ANKRD31: variants seen among roughly 807,000 people sequenced by gnomAD.
ANKRD31 encodes the protein ankyrin repeat domain 31, also known as ankyrin repeat domain-containing protein 31.
Under a neutral mutation model 186.0 loss-of-function variants are expected in ANKRD31, and 147 were observed. The observed-to-expected ratio is 0.79, with a 90% CI of 0.69 to 0.91. The LOEUF (loss-of-function observed/expected upper bound fraction) is 0.91, where lower values mean the gene tolerates loss of function less well. Ranked by LOEUF, ANKRD31 falls within the 40% of genes least tolerant of loss-of-function variation. ANKRD31 has a pLI of 0.00. For synonymous variants in ANKRD31, 673 were observed against 736.4 expected, an observed-to-expected ratio of 0.91 and a Z score of 1.39; for missense variants, 1,986 against 2,148.8, an observed-to-expected ratio of 0.92 and a Z score of 1.50.
chr5:75,132,447 C>T (rs557218449), intron 17 of ANKRD31, among the ~76,000 whole-genome samples: 10 of 151,870 alleles, frequency 6.6e-5, no homozygotes, highest in Admixed American at 2.0e-4. Context: ...TGAACTGAAG[C>T]GAGAAGAGAA....
chr5:75,142,862 A>G (rs547036113), intron 15 of ANKRD31, among the ~76,000 whole-genome samples: 1 of 152,254 alleles, frequency 6.6e-6, no homozygotes, highest in African/African-American at 2.4e-5. Flanking sequence ...GTCTGGTGGA[A>G]TAATAGACAT....
chr5:75,155,846 C>A (rs924456074), intron 11 of ANKRD31, among the ~76,000 whole-genome samples: 17 of 152,030 alleles, frequency 1.1e-4, no homozygotes, highest in Non-Finnish European at 2.2e-4. Context: ...CATTCACAGA[C>A]ACAGCAGGTA....
intron 9 of ANKRD31, among the ~76,000 whole-genome samples, chr5:75,189,894 C>T (rs1754986204): frequency 1.3e-5 from 2 of 152,116 alleles, no homozygotes; most frequent in African/African-American, 2.4e-5. Context: ...CAATGAATTA[C>T]AGCGATTGGT....
At chr5:75,129,417 A>G (rs1749552843) in intron 17 of ANKRD31, among the ~76,000 whole-genome samples, 1 of 152,226 alleles carries the variant, frequency 6.6e-6, no homozygotes, top group Admixed American at 6.5e-5. Flanking sequence ...CCACTCTGGT[A>G]TATTCTTAAT....
In ANKRD31 at chr5:75,104,851, A is replaced by G; in HGVS notation, c.4708T>C (p.Ser1570Pro). 6.5e-7 allele frequency: 1 copy of G among 1,537,204 alleles called. No individual in the cohort carries two copies. Among genetic ancestry groups the G allele is most frequent in the Non-Finnish European group, 8.7e-7 (1 of 1,146,896 alleles). Residue 1570 changes from serine (S) to proline (P), a missense_variant, in exon 22 of 26, where the codon TCT becomes CCT. Coordinates refer to ENST00000506364, the MANE Select transcript of ANKRD31 (RefSeq NM_001372053.1). ...NSEAVRRGEFSGNDMNSKQNG... is the reference protein window; with the variant it reads ...NSEAVRRGEFPGNDMNSKQNG... Reference sequence around the variant, plus strand: ...TGTTTAGAATTCATATCATTTCCAGAAAATTCTCCCCTTCTCACTGCCTCT... The same window carrying G: ...TGTTTAGAATTCATATCATTTCCAGGAAATTCTCCCCTTCTCACTGCCTCT...
intron 20 of ANKRD31, among the ~76,000 whole-genome samples, chr5:75,110,301 T>C (rs536428501): frequency 1.3e-5 from 2 of 152,084 alleles, no homozygotes; most frequent in Non-Finnish European, 2.9e-5. Context: ...GCTGAAAAAG[T>C]ATTTGCAGCA....
At chr5:75,183,306 C>G (rs1157360979) in intron 10 of ANKRD31, among the ~76,000 whole-genome samples, 3 of 152,058 alleles carry the variant, frequency 2.0e-5, no homozygotes, top group African/African-American at 7.2e-5. Flanking sequence ...CCATAGCTAC[C>G]TTCATATGAA....
chr5:75,182,536 T>C (rs1017177034), intron 10 of ANKRD31, among the ~76,000 whole-genome samples: 2 of 152,012 alleles, frequency 1.3e-5, no homozygotes, highest in Non-Finnish European at 2.9e-5. Flanking sequence ...CTGGCCAACA[T>C]GGTAAAACCC....
chr5:75,145,193 A>T (rs944601261), intron 14 of ANKRD31, among the ~76,000 whole-genome samples: 2 of 152,174 alleles, frequency 1.3e-5, no homozygotes, highest in African/African-American at 4.8e-5. Context: ...TTCCTCAAGG[A>T]TCTAGAACCA....
At chr5:75,198,912 A>C (rs1755639202) in intron 6 of ANKRD31, among the ~76,000 whole-genome samples, 1 of 152,090 alleles carries the variant, frequency 6.6e-6, no homozygotes, top group African/African-American at 2.4e-5. Flanking sequence ...TCCAAATTTT[A>C]TGTTATTTCC....
chr5:75,193,247 A>G (rs1755236596), intron 8 of ANKRD31, 64 bp downstream of exon 8: 3 of 1,464,896 alleles, frequency 2.0e-6, no homozygotes, highest in Non-Finnish European at 2.7e-6. Flanking sequence ...GATGTCCCCA[A>G]GCATATAATT....
chr5:75,076,733 C>T (rs567055680), intron 25 of ANKRD31, among the ~76,000 whole-genome samples: 7 of 152,280 alleles, frequency 4.6e-5, no homozygotes, highest in East Asian at 1.9e-4. Flanking sequence ...CATCCTGATG[C>T]TATCTAGGGG....
At chr5:75,172,213 G>T (rs990388826) in intron 10 of ANKRD31, among the ~76,000 whole-genome samples, 1 of 151,784 alleles carries the variant, frequency 6.6e-6, no homozygotes, top group Non-Finnish European at 1.5e-5. Flanking sequence ...ATCATGACCA[G>T]ATACAGTTTA....
chr5:75,105,249 CAAT>C, intron 21 of ANKRD31, 31 bp from the exon 22 acceptor site: 1 of 1,442,942 alleles, frequency 6.9e-7, no homozygotes, highest in Non-Finnish European at 9.0e-7. Context: ...AGAAAAAATG[CAAT>C]AACAGCAGAA....
intron 10 of ANKRD31, among the ~76,000 whole-genome samples, chr5:75,187,631 T>G (rs1754826333): frequency 6.6e-6 from 1 of 151,956 alleles, no homozygotes; most frequent in Non-Finnish European, 1.5e-5. Context: ...GGCTGGCAAA[T>G]AAGAATACAA....
intron 10 of ANKRD31, among the ~76,000 whole-genome samples, chr5:75,176,192 G>A (rs1431934946): frequency 6.6e-6 from 1 of 152,156 alleles, no homozygotes; most frequent in East Asian, 1.9e-4. Flanking sequence ...GGGGAGGGGC[G>A]CCTGCCATTG....
In ANKRD31 at chr5:75,108,201, AAAAAATAGAATTTTTTAATTCT is replaced by A. The variant is rs1471493753; in HGVS notation, c.4244-606_4244-585del. ...ATATAATTATACATTATATGCACTTAAAAAATAGAATTTTTTAATTCTAAAAATAGAATCATGCTATCAGTTC... is the reference window on the plus strand; with the variant it reads ...ATATAATTATACATTATATGCACTTAAAAAATAGAATCATGCTATCAGTTC... On this transcript the variant is annotated intron_variant, in intron 20 of 25. Coordinates refer to ENST00000506364, the MANE Select transcript of ANKRD31 (RefSeq NM_001372053.1). Among the ~76,000 whole-genome samples, 19 of 151,726 alleles carry A rather than the reference AAAAAATAGAATTTTTTAATTCT, an allele frequency of 1.3e-4. No individual in the cohort carries two copies. In the South Asian group the frequency reaches 1.7e-3, roughly 13 times the overall value.
intron 25 of ANKRD31, among the ~76,000 whole-genome samples, chr5:75,080,084 C>T (rs951891704): frequency 9.9e-5 from 15 of 150,998 alleles, no homozygotes; most frequent in South Asian, 4.2e-4. Context: ...TGTGACAGAG[C>T]GAGATTCTGT....
chr5:75,166,241 G>C (rs535886473), intron 11 of ANKRD31, among the ~76,000 whole-genome samples: 1 of 152,114 alleles, frequency 6.6e-6, no homozygotes, highest in Admixed American at 6.5e-5. Context: ...AGGCCTAGGC[G>C]GGCGGATCAC....
Sources: gnomAD v4.1 joint callset for allele counts (sites outside exome capture counted in the v4.1 genomes callset) on GRCh38, gnomAD v4.1.1 for gene constraint, MANE v1.5 for transcripts, NCBI Gene and HGNC (gene_info 2026-07-23, HGNC 2026-07-21) for gene names.